Variants in ARVCF observed in about 807,000 individuals in gnomAD.
ARVCF encodes ARVCF delta catenin family member, also known as splicing regulator ARVCF.
A neutral mutation model predicts 90.9 loss-of-function variants in ARVCF; 66 were observed. The ratio of observed to expected loss-of-function variants is 0.73; its 90% CI spans 0.60 to 0.89. The LOEUF (loss-of-function observed/expected upper bound fraction) is 0.89, where lower values mean the gene tolerates loss of function less well. Ranked by LOEUF, ARVCF falls within the 40% of genes least tolerant of loss-of-function variation. The pLI is 0.00. For missense variants in ARVCF, 1,469 were observed against 1,382.3 expected (o/e 1.06, Z -1.00); for synonymous variants, 653 against 603.4 (o/e 1.08, Z -1.21).
At chr22:19,976,196 G>A (rs1017529962) in intron 10 of ARVCF, among the ~76,000 whole-genome samples, 2 of 152,166 alleles carry the variant, frequency 1.3e-5, no homozygotes, top group African/African-American at 2.4e-5. Context: ...GCTGGGGTCA[G>A]GACATTGTCC....
At chr22:19,989,789 A>AC (rs945551367) in intron 3 of ARVCF, among the ~76,000 whole-genome samples, 17 of 150,758 alleles carry the variant, frequency 1.1e-4, no homozygotes, top group Middle Eastern at 3.4e-3. Context: ...GCAGGAGGCA[A>AC]CCCCCCCAGC....
In ARVCF at chr22:19,971,932, C is replaced by A; in HGVS notation, c.2735G>T (p.Arg912Leu). Reference protein sequence around the residue: ...STVDRRERRPRGASSAGEASE... With the variant: ...STVDRRERRPLGASSAGEASE... ...GGCCTCTCCTGCAGAGCTGGCGCCCCGTGGCCTCCGCTCCCTCCGGTCCAC... is the reference window on the plus strand; with the variant it reads ...GGCCTCTCCTGCAGAGCTGGCGCCCAGTGGCCTCCGCTCCCTCCGGTCCAC... The change falls in exon 18 of 20, where the codon CGG becomes CTG. Residue 912 changes from arginine (R) to leucine (L), a missense_variant. Transcript: ENST00000263207. The A allele has an allele frequency of 1.2e-6, 2 of 1,612,864 alleles. No homozygotes were observed. The highest frequency in any genetic ancestry group is 8.5e-7 in the Non-Finnish European group (1 of 1,179,692).
intron 2 of ARVCF, among the ~76,000 whole-genome samples, chr22:19,995,144 G>A (rs1488114485): frequency 6.6e-6 from 1 of 152,052 alleles, no homozygotes. Context: ...GTGTAACTGA[G>A]TGAGTGAACA....
At chr22:19,979,134 T>C in intron 6 of ARVCF, 54 bp from the exon 7 acceptor site, 1 of 1,564,210 alleles carries the variant, frequency 6.4e-7, no homozygotes, top group East Asian at 2.3e-5. Flanking sequence ...CCTGCCTACC[T>C]CCCCAGGTGG....
At chr22:19,985,136 T>C (rs371412742) in intron 3 of ARVCF, among the ~76,000 whole-genome samples, 13 of 152,248 alleles carry the variant, frequency 8.5e-5, no homozygotes, top group Non-Finnish European at 1.3e-4. Flanking sequence ...CTCTGTACCC[T>C]AGACATGGGC....
intron 2 of ARVCF, among the ~76,000 whole-genome samples, chr22:20,001,222 C>T (rs1234678613): frequency 6.6e-6 from 1 of 152,140 alleles, no homozygotes. Context: ...TCAAGCCTGC[C>T]CCTGACACCA....
chr22:19,969,162 C>T (rs954133053), downstream of ARVCF: 11 of 184,348 alleles, frequency 6.0e-5, no homozygotes, highest in Non-Finnish European at 1.0e-4. Context: ...CTGGGTGGCA[C>T]GCCTGGCCCA....
At chr22:20,011,335 A>G (rs1400771250) in intron 1 of ARVCF, among the ~76,000 whole-genome samples, 1 of 152,176 alleles carries the variant, frequency 6.6e-6, no homozygotes, top group African/African-American at 2.4e-5. Flanking sequence ...CAGACAGGGA[A>G]GGGCTGGGCC....
chr22:19,979,076 G>C lies in ARVCF; in HGVS notation c.1401C>G (p.Thr467=). Residue 467 remains threonine, a synonymous_variant, in exon 7 of 20, where the codon ACC becomes ACG. Coordinates refer to ENST00000263207, the MANE Select transcript of ARVCF (RefSeq NM_001670.3). ...GCTCATAGGATGACAGGTTCCACAG[G>C]GTGCCTGTGGGGTGCGATTGGCCAA... is the stretch of plus-strand genomic sequence containing the variant. The part of the protein sequence containing the change: ...DNEVRELVTG[T]LWNLSSYEPL... 1 of 1,611,478 alleles carries C rather than the reference G, an allele frequency of 6.2e-7. No homozygotes were observed. The highest frequency in any genetic ancestry group is 1.1e-5 in the South Asian group (1 of 91,050).
rs375905723 is a variant in ARVCF at position 19,979,956 on chromosome 22, G to A, written c.1183C>T (p.Arg395Cys). 67 of 1,595,560 alleles carry A rather than the reference G, an allele frequency of 4.2e-5. 1 individual carries two copies. The highest frequency in any genetic ancestry group is 2.3e-4 in the Admixed American group (13 of 57,368). The change falls in exon 6 of 20, where the codon CGT (arginine) becomes TGT (cysteine). Residue 395 changes from arginine (R) to cysteine (C), a missense_variant. Coordinates refer to ENST00000263207, the MANE Select transcript of ARVCF (RefSeq NM_001670.3). The stretch of plus-strand genomic sequence containing the variant: ...GGCAGCCCCCGCAACTGCCGTACAC[G>A]CCGCTTGACACCCTCGTTCTCAAAG... ...LCFENEGVKRRVRQLRGLPLL... is the reference protein window; with the variant it reads ...LCFENEGVKRCVRQLRGLPLL...
At chr22:20,008,230 C>T (rs1004093304) in intron 2 of ARVCF, among the ~76,000 whole-genome samples, 5 of 152,160 alleles carry the variant, frequency 3.3e-5, no homozygotes, top group Non-Finnish European at 5.9e-5. Context: ...CCGCAGGAGA[C>T]GAAGCCGCAA....
At chr22:20,003,443 T>G (rs900120891) in intron 2 of ARVCF, among the ~76,000 whole-genome samples, 1 of 152,050 alleles carries the variant, frequency 6.6e-6, no homozygotes, top group Non-Finnish European at 1.5e-5. Flanking sequence ...TTATGAATAC[T>G]GAAACAAAAA....
At chr22:19,987,230 G>C in intron 3 of ARVCF, 2 of 364,000 alleles carry the variant, frequency 5.5e-6, no homozygotes, top group East Asian at 8.2e-5. Context: ...CGGCGGTCAC[G>C]GCGAGCAGCC....
intron 11 of ARVCF, 176 bp from the exon 12 acceptor site, chr22:19,974,415 TC>T: frequency 2.6e-6 from 2 of 764,760 alleles, no homozygotes; most frequent in Non-Finnish European, 3.7e-6. Context: ...GGAAAAGCGT[TC>T]CCATTTCACA....
chr22:19,995,133 G>T (rs1944196855), intron 2 of ARVCF, among the ~76,000 whole-genome samples: 1 of 151,932 alleles, frequency 6.6e-6, no homozygotes, highest in Non-Finnish European at 1.5e-5. Flanking sequence ...GATAGAAGGG[G>T]GTGTAACTGA....
chr22:20,005,491 T>C (rs1944588669), intron 2 of ARVCF, among the ~76,000 whole-genome samples: 2 of 152,094 alleles, frequency 1.3e-5, no homozygotes, highest in Non-Finnish European at 2.9e-5. Context: ...AATTACCATA[T>C]GGTCCAGCAA....
At chr22:19,985,057 C>T (rs1828246982) in intron 3 of ARVCF, among the ~76,000 whole-genome samples, 1 of 152,126 alleles carries the variant, frequency 6.6e-6, no homozygotes, top group Non-Finnish European at 1.5e-5. Context: ...CAGGCTGGCC[C>T]ACTCTCAGGG....
intron 2 of ARVCF, among the ~76,000 whole-genome samples, chr22:19,998,439 C>G (rs536526789): frequency 2.0e-5 from 3 of 152,322 alleles, no homozygotes; most frequent in African/African-American, 4.8e-5. Flanking sequence ...GCCCAGCCCC[C>G]CTCCCAGGTT....
chr22:20,005,593 G>A (rs1026018261), intron 2 of ARVCF, among the ~76,000 whole-genome samples: 1 of 152,134 alleles, frequency 6.6e-6, no homozygotes, highest in Admixed American at 6.5e-5. Flanking sequence ...GCCGAGGCGG[G>A]TGGATCACAA....
Sources: allele counts gnomAD v4.1 joint callset (sites outside exome capture counted in the v4.1 genomes callset), GRCh38; gene constraint gnomAD v4.1.1; transcripts MANE v1.5; gene names NCBI Gene and HGNC (gene_info 2026-07-23, HGNC 2026-07-21).